TANK: variants seen among roughly 807,000 people sequenced by gnomAD.
The protein encoded by TANK is TRAF family member associated NFKB activator, also known as TRAF family member-associated NF-kappa-B activator.
In TANK, 15 loss-of-function variants were observed where a neutral mutation model predicts 43.6. The ratio of observed to expected loss-of-function variants is 0.34; its 90% CI spans 0.23 to 0.53. The LOEUF (loss-of-function observed/expected upper bound fraction) is 0.53, where lower values mean the gene tolerates loss of function less well. Among genes scored for constraint, TANK ranks in the 20% least tolerant of loss-of-function variants. The probability of loss-of-function intolerance (pLI) is 0.94; values close to 1 mark genes in which losing one functional copy is unlikely to be tolerated. For missense variants in TANK, 417 were observed against 498.6 expected (o/e 0.84, Z 1.56); for synonymous variants, 162 against 178.2 (o/e 0.91, Z 0.73).
intron 1 of TANK, among the ~76,000 whole-genome samples, chr2:161,179,003 C>A (rs1685299478): frequency 6.6e-6 from 1 of 152,088 alleles, no homozygotes; most frequent in Non-Finnish European, 1.5e-5. Context: ...TCAGAAACAG[C>A]AGGGAAGTTG....
intron 1 of TANK, chr2:161,161,015 G>T: frequency 2.0e-6 from 1 of 497,130 alleles, no homozygotes; most frequent in Non-Finnish European, 3.6e-6. Context: ...GAGAAGTTGG[G>T]TAACTTCCCA....
chr2:161,167,221 A>G (rs369998673), intron 1 of TANK, among the ~76,000 whole-genome samples: 10 of 152,188 alleles, frequency 6.6e-5, no homozygotes, highest in African/African-American at 1.7e-4. Flanking sequence ...CGAAAATCCT[A>G]CCTTTAAGCC....
Position 161,235,994 on chromosome 2 carries a change from T to C in TANK, c.*476T>C, listed in dbSNP as rs1688155959. On this transcript the variant is annotated 3_prime_UTR_variant, in exon 8 of 8. Transcript: ENST00000392749. ...ATATTCTCTTTGAATAAACCTATAA[T>C]AGAAAATAGCAGACAACATAAACAT... 1 of 152,202 alleles carries C rather than the reference T, an allele frequency of 6.6e-6. No homozygotes were observed. The highest frequency in any genetic ancestry group is 2.4e-5 in the African/African-American group (1 of 41,458). The allele number at this position is 152,202 out of a possible 1,614,324, so 9.4% of individuals were successfully genotyped here.
intron 1 of TANK, among the ~76,000 whole-genome samples, chr2:161,169,043 G>A (rs187195869): frequency 2.7e-3 from 406 of 152,306 alleles, no homozygotes; most frequent in Non-Finnish European, 4.2e-3. Context: ...TTAGGAAGCT[G>A]CTACAAGATT....
chr2:161,186,926 T>C (rs1685686446), intron 2 of TANK, among the ~76,000 whole-genome samples: 1 of 152,144 alleles, frequency 6.6e-6, no homozygotes, highest in African/African-American at 2.4e-5. Flanking sequence ...ATGCTTACCA[T>C]ACTAATCATT....
intron 4 of TANK, chr2:161,219,902 A>G (rs1687268147): frequency 2.9e-6 from 1 of 343,658 alleles, no homozygotes; most frequent in African/African-American, 2.2e-5. Flanking sequence ...CTTTTTCTGT[A>G]GTGAATTTTA....
chr2:161,183,098 C>T (rs1390872619), intron 2 of TANK, among the ~76,000 whole-genome samples: 1 of 152,148 alleles, frequency 6.6e-6, no homozygotes, highest in Non-Finnish European at 1.5e-5. Flanking sequence ...TCCTTAAATA[C>T]AGGAGCTACA....
chr2:161,220,964 C>T (rs1687315669), intron 4 of TANK, among the ~76,000 whole-genome samples: 1 of 152,128 alleles, frequency 6.6e-6, no homozygotes, highest in Admixed American at 6.5e-5. Context: ...GTCCCTTGAA[C>T]ATATATTTTT....
chr2:161,161,117 C>T (rs2105248050), intron 1 of TANK: 2 of 1,217,508 alleles, frequency 1.6e-6, no homozygotes, highest in South Asian at 3.3e-5. Context: ...AGAGTCCTCA[C>T]GCCGGTGTAA....
At chr2:161,201,981 A>G (rs969231030) in intron 2 of TANK, among the ~76,000 whole-genome samples, 15 of 152,160 alleles carry the variant, frequency 9.9e-5, no homozygotes, top group African/African-American at 3.6e-4. Context: ...ACATATACTG[A>G]ACATCTCCTA....
intron 2 of TANK, among the ~76,000 whole-genome samples, chr2:161,202,389 C>T (rs957898961): frequency 6.6e-6 from 1 of 151,794 alleles, no homozygotes; most frequent in Non-Finnish European, 1.5e-5. Flanking sequence ...TGGGGTTTCA[C>T]TGTGTTAACC....
Position 161,142,083 on chromosome 2 carries a change from T to C in TANK, c.-50+5020T>C, listed in dbSNP as rs547681733. On this transcript the variant is annotated intron_variant, in intron 1 of 7. Coordinates refer to the TANK transcript ENST00000259075. Reference sequence around the variant, plus strand: ...TTTGCATTTCTCTAATGATCAATGATGTTGAGCTTTTTTCCATATGTTTGT... The same window carrying C: ...TTTGCATTTCTCTAATGATCAATGACGTTGAGCTTTTTTCCATATGTTTGT... 2.5e-4 allele frequency among the ~76,000 whole-genome samples: 38 copies of C among 152,332 alleles called. 1 individual carries two copies. Among genetic ancestry groups the C allele is most frequent in the Admixed American group, 1.4e-3 (22 of 15,296 alleles).
rs756348452 is a variant in TANK at position 161,231,051 on chromosome 2, G to A, written c.601G>A (p.Asp201Asn). 6.2e-7 allele frequency: 1 copy of A among 1,614,118 alleles called. No individual in the cohort carries two copies. The highest frequency in any genetic ancestry group is 1.7e-5 in the Admixed American group (1 of 60,008). Reference sequence around the variant, plus strand: ...GCTGTTTAAGCCTCAGGCTAAAGATGATATAAATAGAGGTGCACCATCCAT... The same window carrying A: ...GCTGTTTAAGCCTCAGGCTAAAGATAATATAAATAGAGGTGCACCATCCAT... ...EALFKPQAKD[D>N]INRGAPSITS... Residue 201 changes from aspartate (D) to asparagine (N), a missense_variant, in exon 7 of 8, where the codon GAT becomes AAT. Coordinates refer to ENST00000392749, the MANE Select transcript of TANK (RefSeq NM_001199135.3).
intron 1 of TANK, among the ~76,000 whole-genome samples, chr2:161,154,936 A>G (rs1201778092): frequency 1.3e-5 from 2 of 151,624 alleles, no homozygotes; most frequent in African/African-American, 4.8e-5. Context: ...GTAGAGATGA[A>G]TTTTCTCCAT....
chr2:161,159,039 C>G (rs1003318608), upstream of TANK: 2 of 152,206 alleles, frequency 1.3e-5, no homozygotes, highest in African/African-American at 4.8e-5. Flanking sequence ...AGAACACTTA[C>G]AACACCAAAT....
chr2:161,156,102 T>C (rs1165923086), upstream of TANK: 1 of 985,228 alleles, frequency 1.0e-6, no homozygotes, highest in Non-Finnish European at 1.2e-6. Flanking sequence ...TTCTGATATA[T>C]CTGTGGTTGC....
At chr2:161,213,888 C>T (rs1482382375) in intron 4 of TANK, among the ~76,000 whole-genome samples, 2 of 152,056 alleles carry the variant, frequency 1.3e-5, no homozygotes, top group Non-Finnish European at 2.9e-5. Flanking sequence ...AACTTTTCTG[C>T]TACATTAAAA....
intron 2 of TANK, among the ~76,000 whole-genome samples, chr2:161,188,499 C>A (rs991458052): frequency 3.9e-5 from 6 of 152,134 alleles, no homozygotes; most frequent in African/African-American, 1.4e-4. Flanking sequence ...TCTGAATAGA[C>A]CTTTACCTAG....
intron 4 of TANK, chr2:161,223,690 T>C (rs893863006): frequency 1.8e-5 from 6 of 332,572 alleles, no homozygotes; most frequent in Non-Finnish European, 3.3e-5. Context: ...TTACCAGAAA[T>C]ATTTCATCTC....
Sources: gnomAD v4.1 joint callset for allele counts (sites outside exome capture counted in the v4.1 genomes callset) on GRCh38, gnomAD v4.1.1 for gene constraint, MANE v1.5 for transcripts, NCBI Gene and HGNC (gene_info 2026-07-23, HGNC 2026-07-21) for gene names.